Variants in DPYSL3 observed in about 807,000 individuals in gnomAD.
DPYSL3 encodes dihydropyrimidinase like 3, also known as dihydropyrimidinase-related protein 3.
Under a neutral mutation model 66.1 loss-of-function variants are expected in DPYSL3, and 16 were observed. That is an observed-to-expected ratio of 0.24 (90% CI 0.16 to 0.37). The LOEUF (loss-of-function observed/expected upper bound fraction) is 0.37. Ranked by LOEUF, DPYSL3 falls within the 10% of genes least tolerant of loss-of-function variation. The probability of loss-of-function intolerance (pLI) is 1.00; values close to 1 mark genes in which losing one functional copy is unlikely to be tolerated. For missense variants in DPYSL3, 738 were observed against 916.2 expected, an observed-to-expected ratio of 0.81 and a Z score of 2.51; for synonymous variants, 338 against 345.1, an observed-to-expected ratio of 0.98 and a Z score of 0.23.
At chr5:147,453,670 C>A in intron 1 of DPYSL3, 1 of 1,469,908 alleles carries the variant, frequency 6.8e-7, no homozygotes, top group South Asian at 1.4e-5. Flanking sequence ...GCGCACAGCG[C>A]CCCGAGATCA....
chr5:147,504,356 C>G (rs1160100688), intron 1 of DPYSL3, among the ~76,000 whole-genome samples: 1 of 152,188 alleles, frequency 6.6e-6, no homozygotes, highest in African/African-American at 2.4e-5. Context: ...CAAACTAAAC[C>G]AAAGTTCTGA....
In DPYSL3 at chr5:147,453,801, C is replaced by T. The variant is rs553288411; in HGVS notation, c.382-28838G>A. On this transcript the variant is annotated intron_variant, in intron 1 of 13. Coordinates refer to ENST00000343218, the MANE Select transcript of DPYSL3 (RefSeq NM_001197294.2). Reference sequence around the variant, plus strand: ...CTCCCCGGTCCCCCTTTCACCCCCGCCCCCCCACGCACACCCTCCTCCACC... The same window carrying T: ...CTCCCCGGTCCCCCTTTCACCCCCGTCCCCCCACGCACACCCTCCTCCACC... 4.0e-4 allele frequency: 494 copies of T among 1,237,388 alleles called. 1 individual carries two copies. Among genetic ancestry groups the T allele is most frequent in the East Asian group, 9.9e-4 (31 of 31,276 alleles). The allele number at this position is 1,237,388 out of a possible 1,614,324, so 76.7% of individuals were successfully genotyped here. A position where few individuals can be genotyped will look rare whatever the true frequency, so the allele number is the denominator to read the frequency against.
In DPYSL3 at chr5:147,415,850, C is replaced by G; in HGVS notation, c.679G>C (p.Glu227Gln). 1 of 1,613,992 alleles carries G rather than the reference C, an allele frequency of 6.2e-7. No individual in the cohort carries two copies. The highest frequency in any genetic ancestry group is 8.5e-7 in the Non-Finnish European group (1 of 1,179,940). ...TCATAGGCCTCAGTCAGGCTGGACT[C>G]AGGCTCAGGCACCACATGGTCAACT... Reference protein sequence around the residue: ...MIIDHVVPEPESSLTEAYEKW... With the variant: ...MIIDHVVPEPQSSLTEAYEKW... The change falls in exon 4 of 14, where the codon GAG (glutamate) becomes CAG (glutamine). Residue 227 changes from glutamate to glutamine, a missense_variant. By Grantham distance (29) the Glu-to-Gln change is conservative. Coordinates refer to ENST00000343218, the MANE Select transcript of DPYSL3 (RefSeq NM_001197294.2).
chr5:147,452,655 G>C (rs1180510004), intron 1 of DPYSL3, among the ~76,000 whole-genome samples: 2 of 152,076 alleles, frequency 1.3e-5, no homozygotes, highest in Non-Finnish European at 2.9e-5. Flanking sequence ...GTGAAGACGC[G>C]GCTTCTGTAC....
chr5:147,436,732 A>G (rs1208492616), intron 1 of DPYSL3, among the ~76,000 whole-genome samples: 1 of 152,252 alleles, frequency 6.6e-6, no homozygotes, highest in Non-Finnish European at 1.5e-5. Context: ...ATGCAATGGC[A>G]TACTGCAGAA....
rs140244752 is a variant in DPYSL3 at position 147,434,403 on chromosome 5, C to T, written c.382-9440G>A. ...ATGGGTGGAAGCTCTCTTACATATG[C>T]GGACTAGAGAAGTGACATCCAGCTT... is the stretch of plus-strand genomic sequence containing the variant. On this transcript the variant is annotated intron_variant, in intron 1 of 13. Transcript: ENST00000343218. 1.7e-3 allele frequency among the ~76,000 whole-genome samples: 257 copies of T among 152,248 alleles called. 1 individual carries two copies. The highest frequency in any genetic ancestry group is 6.8e-3 in the Middle Eastern group (2 of 294).
intron 1 of DPYSL3, among the ~76,000 whole-genome samples, chr5:147,470,432 G>T (rs1753069629): frequency 6.6e-6 from 1 of 151,968 alleles, no homozygotes; most frequent in Non-Finnish European, 1.5e-5. Context: ...TCAGTGCTTG[G>T]TCCTTTCCCA....
At chr5:147,402,637 G>A (rs748022836) in intron 8 of DPYSL3, among the ~76,000 whole-genome samples, 40 of 135,376 alleles carry the variant, frequency 3.0e-4, no homozygotes, top group Non-Finnish European at 5.8e-4. Flanking sequence ...GTGAGCCACC[G>A]CGCCCGGCCT....
intron 1 of DPYSL3, among the ~76,000 whole-genome samples, chr5:147,445,150 A>G (rs1446013357): frequency 6.6e-6 from 1 of 152,206 alleles, no homozygotes; most frequent in African/African-American, 2.4e-5. Flanking sequence ...TGCAGGCAAT[A>G]AGTATCCAGG....
intron 1 of DPYSL3, among the ~76,000 whole-genome samples, chr5:147,468,597 A>G (rs1416161324): frequency 6.6e-6 from 1 of 152,208 alleles, no homozygotes; most frequent in East Asian, 1.9e-4. Context: ...ACTGTAAAAG[A>G]CTATCGCAAG....
At chr5:147,453,484 C>A in intron 1 of DPYSL3, 1 of 1,497,898 alleles carries the variant, frequency 6.7e-7, no homozygotes, top group East Asian at 2.8e-5. Flanking sequence ...CCGAGCCGAC[C>A]CCGCCCGCAG....
intron 13 of DPYSL3, among the ~76,000 whole-genome samples, 171 bp downstream of exon 13, chr5:147,395,388 T>C (rs1174933050): frequency 2.0e-5 from 3 of 152,178 alleles, no homozygotes. Context: ...GGACCCCTTG[T>C]CAATTCAGGG....
chr5:147,455,425 AG>A (rs1752829906), intron 1 of DPYSL3, among the ~76,000 whole-genome samples: 1 of 152,212 alleles, frequency 6.6e-6, no homozygotes, highest in Non-Finnish European at 1.5e-5. Flanking sequence ...TGCCAAGCAA[AG>A]ATCACCTCCC....
At chr5:147,508,021 C>T (rs1753704996) in intron 1 of DPYSL3, among the ~76,000 whole-genome samples, 1 of 152,158 alleles carries the variant, frequency 6.6e-6, no homozygotes, top group Non-Finnish European at 1.5e-5. Context: ...AAGGAATAAC[C>T]TTTCTATAGG....
Position 147,510,033 on chromosome 5 carries a change from C to T in DPYSL3, c.-175G>A. 8.9e-7 allele frequency: 1 copy of T among 1,122,916 alleles called. No individual in the cohort carries two copies. The highest frequency in any genetic ancestry group is 1.2e-6 in the Non-Finnish European group (1 of 826,050). The allele number at this position is 1,122,916 out of a possible 1,614,324, so 69.6% of individuals were successfully genotyped here. On this transcript the variant is annotated 5_prime_UTR_variant, in exon 1 of 14. The change creates a new upstream start codon in the 5' untranslated region. Coordinates refer to ENST00000343218, the MANE Select transcript of DPYSL3 (RefSeq NM_001197294.2). ...TTGTCCCTAGCGAGCCAGCGAGCCA[C>T]ACAGCCAGCTAGCGCGCGGAGCAGG...
At chr5:147,483,996 T>C (rs576953775) in intron 1 of DPYSL3, among the ~76,000 whole-genome samples, 1 of 152,098 alleles carries the variant, frequency 6.6e-6, no homozygotes, top group Non-Finnish European at 1.5e-5. Flanking sequence ...CACACAAGAG[T>C]TGACCAGGAT....
At chr5:147,407,663 G>A (rs944139171) in intron 7 of DPYSL3, among the ~76,000 whole-genome samples, 2 of 152,092 alleles carry the variant, frequency 1.3e-5, no homozygotes, top group Non-Finnish European at 2.9e-5. Context: ...CTGAGATAAC[G>A]TATGCAATCA....
intron 1 of DPYSL3, among the ~76,000 whole-genome samples, chr5:147,506,300 T>TA (rs1364896843): frequency 6.6e-6 from 1 of 152,148 alleles, no homozygotes; most frequent in Non-Finnish European, 1.5e-5. Flanking sequence ...AATTAAATTG[T>TA]ACCAGCATAG....
chr5:147,488,423 C>G (rs1278417725), intron 1 of DPYSL3, among the ~76,000 whole-genome samples: 1 of 152,182 alleles, frequency 6.6e-6, no homozygotes, highest in Non-Finnish European at 1.5e-5. Flanking sequence ...TCTCTGCCAC[C>G]ATCCTTTGAA....
Sources: allele counts gnomAD v4.1 joint callset (sites outside exome capture counted in the v4.1 genomes callset), GRCh38; gene constraint gnomAD v4.1.1; transcripts MANE v1.5; gene names NCBI Gene and HGNC (gene_info 2026-07-23, HGNC 2026-07-21).